The following PDE2A variants were observed in gnomAD, a reference collection of about 807,000 sequenced individuals.
PDE2A encodes phosphodiesterase 2A.
PDE2A carries 53 observed loss-of-function variants against 133.6 expected under a neutral mutation model. The ratio of observed to expected loss-of-function variants is 0.40; its 90% confidence interval spans 0.32 to 0.50. PDE2A has a LOEUF of 0.50. PDE2A is among the 20% of genes least tolerant of loss of function. The pLI is 0.73. For synonymous variants in PDE2A, 491 were observed against 490.2 expected (o/e 1.00, Z -0.02); for missense variants, 796 against 1,232.4 (o/e 0.65, Z 5.30).
At chr11:72,614,211 A>G (rs1285665978) in intron 2 of PDE2A, among the ~76,000 whole-genome samples, 1 of 152,172 alleles carries the variant, frequency 6.6e-6, no homozygotes, top group Non-Finnish European at 1.5e-5. Context: ...TCTCAAAGAC[A>G]CTGGTGCCTT....
chr11:72,624,584 G>A (rs1857952669), intron 2 of PDE2A, among the ~76,000 whole-genome samples: 1 of 152,150 alleles, frequency 6.6e-6, no homozygotes, highest in African/African-American at 2.4e-5. Context: ...CACAGACTCA[G>A]GACCATACCT....
chr11:72,606,370 T>C (rs1277008884), intron 3 of PDE2A, among the ~76,000 whole-genome samples: 1 of 152,126 alleles, frequency 6.6e-6, no homozygotes, highest in South Asian at 2.1e-4. Context: ...TCAGTAAGTG[T>C]GGAATCCTTC....
intron 1 of PDE2A, among the ~76,000 whole-genome samples, chr11:72,642,693 G>T (rs1324189842): frequency 6.6e-6 from 1 of 151,932 alleles, no homozygotes; most frequent in African/African-American, 2.4e-5. Context: ...CACTTCTCTC[G>T]CATCTCGCAG....
chr11:72,590,053 C>T lies in PDE2A; in HGVS notation c.757-72G>A, dbSNP rs114295195. 1.0e-3 allele frequency: 1,467 copies of T among 1,433,742 alleles called. 9 individuals carry two copies. The African/African-American group carries it at 0.018, about 18-fold the overall frequency. 88.8% of individuals were successfully genotyped at this position (1,433,742 alleles called of 1,614,324 possible). On this transcript the variant is annotated intron_variant, in intron 9 of 30. Coordinates refer to ENST00000334456, the MANE Select transcript of PDE2A (RefSeq NM_002599.5). The surrounding 1 kb of genome is among the most constrained non-coding windows in gnomAD (Gnocchi z 4.8). ...CACCCCACTCCCCACCTGCTCCCCTCTCCGGGGCTCTTCAGGCGGGTGGAG... is the reference window on the plus strand; with the variant it reads ...CACCCCACTCCCCACCTGCTCCCCTTTCCGGGGCTCTTCAGGCGGGTGGAG...
At chr11:72,604,524 TACATGTGTG>T (rs1397932172) in intron 4 of PDE2A, among the ~76,000 whole-genome samples, 3 of 152,348 alleles carry the variant, frequency 2.0e-5, no homozygotes, top group South Asian at 2.1e-4. Flanking sequence ...TTAAATGCTT[TACATGTGTG>T]ACACATTTAA....
chr11:72,633,468 G>A (rs1438999167), intron 2 of PDE2A, among the ~76,000 whole-genome samples: 1 of 152,206 alleles, frequency 6.6e-6, no homozygotes, highest in African/African-American at 2.4e-5. Context: ...GGGCTAGTTG[G>A]ATGAAGATGG....
At chr11:72,666,596 A>G (rs901858008) in intron 1 of PDE2A, among the ~76,000 whole-genome samples, 1 of 152,200 alleles carries the variant, frequency 6.6e-6, no homozygotes, top group African/African-American at 2.4e-5. Context: ...GCCAGACATT[A>G]GGCGCGGCCT....
At chr11:72,586,503 C>A (rs574666556) in intron 13 of PDE2A, among the ~76,000 whole-genome samples, 1 of 152,346 alleles carries the variant, frequency 6.6e-6, no homozygotes, top group Non-Finnish European at 1.5e-5. Flanking sequence ...TGCTCTTCCC[C>A]AGGCACACCT....
Position 72,579,361 on chromosome 11 carries a change from A to T in PDE2A, c.2279T>A (p.Leu760Gln). 6.2e-7 allele frequency: 1 copy of T among 1,613,862 alleles called. No individual in the cohort carries two copies. Reference sequence around the variant, plus strand: ...TGTGGCCAAGATGATGTCCCGCATCAGATCCAGCATGCGCTGATAGTCCTG... The same window carrying T: ...TGTGGCCAAGATGATGTCCCGCATCTGATCCAGCATGCGCTGATAGTCCTG... ...SRKDYQRMLD[L>Q]MRDIILATDL... Residue 760 changes from leucine to glutamine, a missense_variant, in exon 27 of 31, where the codon CTG becomes CAG. Leu to Gln is a moderately radical substitution (Grantham distance 113, BLOSUM62 -2). Around this residue, in one of 7 missense-constraint regions of PDE2A, gnomAD observed 218 missense variants for 465.9 expected, o/e 0.47. Coordinates refer to ENST00000334456, the MANE Select transcript of PDE2A (RefSeq NM_002599.5).
Position 72,588,868 on chromosome 11 carries a change from G to T in PDE2A, c.986C>A (p.Ala329Asp), listed in dbSNP as rs145721529. The T allele has an allele frequency of 1.2e-6, 2 of 1,611,308 alleles. No homozygotes were observed. The highest frequency in any genetic ancestry group is 1.7e-6 in the Non-Finnish European group (2 of 1,178,204). The change falls in exon 13 of 31, where the codon GCC becomes GAC. Residue 329 changes from alanine (A) to aspartate (D), a missense_variant. Transcript: ENST00000334456. ...GCTGATGACAGGGACACAGAGCATG[G>T]CCTGCAGCTCACAGCCCAACATGCT... ...LQSMLGCELQ[A>D]MLCVPVISRA...
chr11:72,629,502 G>A (rs1310004384), intron 2 of PDE2A, among the ~76,000 whole-genome samples: 3 of 152,212 alleles, frequency 2.0e-5, no homozygotes, highest in Non-Finnish European at 4.4e-5. Context: ...GGGGAGCCCC[G>A]CCCCATGGGG....
chr11:72,581,758 T>A, intron 22 of PDE2A, 119 bp downstream of exon 22: 1 of 986,280 alleles, frequency 1.0e-6, no homozygotes, highest in Non-Finnish European at 1.6e-6. Flanking sequence ...CCCACCCCCA[T>A]AAGACTGGGT....
chr11:72,633,938 C>T (rs1035076140), intron 2 of PDE2A, among the ~76,000 whole-genome samples: 1 of 152,202 alleles, frequency 6.6e-6, no homozygotes, highest in African/African-American at 2.4e-5. Flanking sequence ...GAAGGGAGCA[C>T]AGCACTGGGC....
At chr11:72,625,543 G>A (rs1436408139) in intron 2 of PDE2A, among the ~76,000 whole-genome samples, 1 of 152,176 alleles carries the variant, frequency 6.6e-6, no homozygotes, top group Non-Finnish European at 1.5e-5. Flanking sequence ...CCAGGAAACA[G>A]GGAGGAGGAG....
In PDE2A at chr11:72,577,120, T is replaced by G; in HGVS notation, c.*264A>C. On this transcript the variant is annotated 3_prime_UTR_variant, in exon 31 of 31. Transcript: ENST00000334456. Reference sequence around the variant, plus strand: ...TTGGGAAAGACTTGCCAAGGTGTGGTCAGAGGTGCAGAGTAGGGCCCACTG... The same window carrying G: ...TTGGGAAAGACTTGCCAAGGTGTGGGCAGAGGTGCAGAGTAGGGCCCACTG... 2 of 435,432 alleles carry G rather than the reference T, an allele frequency of 4.6e-6. No individual in the cohort carries two copies. The highest frequency in any genetic ancestry group is 4.1e-6 in the Non-Finnish European group (1 of 243,394). The allele number at this position is 435,432 out of a possible 1,614,324, so 27.0% of individuals were successfully genotyped here.
Position 72,590,677 on chromosome 11 carries a change from T to C in PDE2A, c.550-97A>G. On this transcript the variant is annotated intron_variant, in intron 7 of 30. Coordinates refer to ENST00000334456, the MANE Select transcript of PDE2A (RefSeq NM_002599.5). The surrounding 1 kb of genome is among the most constrained non-coding windows in gnomAD (Gnocchi z 4.8). ...CTTTGCTCCCGCCGTTCCCTCTGCC[T>C]GCCGGGCCCAGGGACCCCGCCGCCG... The C allele has an allele frequency of 8.5e-7, 1 of 1,175,144 alleles. No homozygotes were observed. Among genetic ancestry groups the C allele is most frequent in the Non-Finnish European group, 1.1e-6 (1 of 902,828 alleles). The allele number at this position is 1,175,144 out of a possible 1,614,324, so 72.8% of individuals were successfully genotyped here.
chr11:72,646,744 C>CT (rs1833075280), intron 1 of PDE2A, among the ~76,000 whole-genome samples: 1 of 152,220 alleles, frequency 6.6e-6, no homozygotes, highest in Non-Finnish European at 1.5e-5. Context: ...CCCTGAACCT[C>CT]TGGCTTTTCT....
chr11:72,661,795 G>A (rs768755655), intron 1 of PDE2A, among the ~76,000 whole-genome samples: 6 of 152,200 alleles, frequency 3.9e-5, no homozygotes, highest in South Asian at 2.1e-4. Context: ...CCTGCGATGC[G>A]CCACACATGT....
chr11:72,656,990 G>A (rs934526411), intron 1 of PDE2A, among the ~76,000 whole-genome samples: 3 of 152,008 alleles, frequency 2.0e-5, no homozygotes, highest in South Asian at 2.1e-4. Context: ...TTCCTCCCAC[G>A]TTCTCTGCTC....
Sources: gnomAD v4.1 joint callset for allele counts (sites outside exome capture counted in the v4.1 genomes callset) on GRCh38, gnomAD v4.1.1 for gene constraint, gnomAD v4.1.1 regional missense constraint, Gnocchi (gnomAD v3.1) non-coding constraint, MANE v1.5 for transcripts, NCBI Gene and HGNC (gene_info 2026-07-23, HGNC 2026-07-21) for gene names.